The following ITPKB variants were observed in gnomAD, a reference collection of about 807,000 sequenced individuals.
ITPKB encodes the protein IP3 3-kinase B.
Under a neutral mutation model 69.4 loss-of-function variants are expected in ITPKB, and 13 were observed. The ratio of observed to expected loss-of-function variants is 0.19; its 90% confidence interval spans 0.12 to 0.30. The LOEUF is 0.30. ITPKB is among the 10% of genes least tolerant of loss of function. ITPKB has a pLI of 1.00. For missense variants in ITPKB, 1,240 were observed against 1,250.5 expected, an observed-to-expected ratio of 0.99 and a Z score of 0.13; for synonymous variants, 584 against 513.7, an observed-to-expected ratio of 1.14 and a Z score of -1.85.
chr1:226,702,517 T>C (rs1164762475), intron 2 of ITPKB, among the ~76,000 whole-genome samples: 1 of 152,182 alleles, frequency 6.6e-6, no homozygotes, highest in African/African-American at 2.4e-5. Context: ...GACCTCACTG[T>C]GGCTATCTGG....
chr1:226,710,083 CCT>C (rs1436348917), intron 2 of ITPKB, among the ~76,000 whole-genome samples: 11 of 152,136 alleles, frequency 7.2e-5, no homozygotes, highest in East Asian at 5.8e-4. Context: ...CTTCCCTGCC[CCT>C]GTCTCCTCTC....
rs145218832 is a variant in ITPKB at position 226,648,525 on chromosome 1, G to A, written c.2032+147C>T. 386 of 654,312 alleles carry A rather than the reference G, an allele frequency of 5.9e-4. 1 individual carries two copies. Among genetic ancestry groups the A allele is most frequent in the African/African-American group, 3.3e-3 (184 of 55,996 alleles). 40.5% of individuals were successfully genotyped at this position (654,312 alleles called of 1,614,324 possible). On this transcript the variant is annotated intron_variant, in intron 3 of 7. Coordinates refer to ENST00000429204, the MANE Select transcript of ITPKB (RefSeq NM_002221.4). ...GCATTTACAAGGCATTGGTAAGGCC[G>A]CAGCCTGCAAGTGTGGCTGTGATTT...
chr1:226,706,889 G>A (rs1656814698), intron 2 of ITPKB, among the ~76,000 whole-genome samples: 1 of 152,216 alleles, frequency 6.6e-6, no homozygotes, highest in African/African-American at 2.4e-5. Context: ...GCTGGATATG[G>A]CCAGCAGCCA....
Position 226,736,655 on chromosome 1 carries a change from G to C in ITPKB, c.804C>G (p.Gly268=), listed in dbSNP as rs1448687903. 13 of 1,613,338 alleles carry C rather than the reference G, an allele frequency of 8.1e-6. No homozygotes were observed. The highest frequency in any genetic ancestry group is 1.7e-5 in the Admixed American group (1 of 60,032). The change falls in exon 2 of 8, where the codon GGC becomes GGG. Residue 268 remains glycine, a synonymous_variant. Coordinates refer to ENST00000429204, the MANE Select transcript of ITPKB (RefSeq NM_002221.4). The part of the protein sequence containing the change: ...EKGIPASPRC[G]SPTAMEIDKR... Reference sequence around the variant, plus strand: ...TGTCAATTTCCATAGCTGTGGGTGAGCCACAGCGGGGACTGGCAGGGATAC... The same window carrying C: ...TGTCAATTTCCATAGCTGTGGGTGACCCACAGCGGGGACTGGCAGGGATAC...
Position 226,637,746 on chromosome 1 carries a change from G to T in ITPKB, c.2558C>A (p.Ala853Asp), listed in dbSNP as rs767344981. The change falls in exon 7 of 8, where the codon GCC (alanine) becomes GAC (aspartate). Residue 853 changes from alanine to aspartate, a missense_variant. Around this residue, in one of 2 missense-constraint regions of ITPKB, gnomAD observed 248 missense variants for 396.7 expected, o/e 0.63. Transcript: ENST00000429204. This position sits in a 1 kb window ranked among gnomAD's most constrained non-coding sequence, Gnocchi z 4.3. Reference sequence around the variant, plus strand: ...AATGGCCTTCAGCCGGTCCCGATAGGCGATCTGGGAATAGAAAGAGGACCA... The same window carrying T: ...AATGGCCTTCAGCCGGTCCCGATAGTCGATCTGGGAATAGAAAGAGGACCA... ...FTKGNHNILI[A>D]YRDRLKAIRT... The T allele has an allele frequency of 6.2e-7, 1 of 1,613,320 alleles. No homozygotes were observed. The highest frequency in any genetic ancestry group is 2.2e-5 in the East Asian group (1 of 44,882).
At position 226,738,887 on chromosome 1, in the gene ITPKB, T is replaced by G. The variant is rs919769256; in HGVS notation, c.-206+154A>C. Reference sequence around the variant, plus strand: ...ATTTTCTCCCCACCGCCACTCCATGTCACCCTCCAAAATCAAACCCCCTTC... The same window carrying G: ...ATTTTCTCCCCACCGCCACTCCATGGCACCCTCCAAAATCAAACCCCCTTC... On this transcript the variant is annotated intron_variant, in intron 1 of 7. Transcript: ENST00000429204. The surrounding 1 kb of genome is among the most constrained non-coding windows in gnomAD (Gnocchi z 4.2). Among the ~76,000 whole-genome samples the G allele has an allele frequency of 3.3e-5, 5 of 152,106 alleles. No individual in the cohort carries two copies. The highest frequency in any genetic ancestry group is 3.3e-4 in the Admixed American group (5 of 15,270).
rs1668856964 is a variant in ITPKB at position 226,637,159 on chromosome 1, C to A, written c.2625+520G>T. 6.6e-6 allele frequency among the ~76,000 whole-genome samples: 1 copy of A among 152,172 alleles called. No individual in the cohort carries two copies. The highest frequency in any genetic ancestry group is 1.5e-5 in the Non-Finnish European group (1 of 68,018). Reference sequence around the variant, plus strand: ...GTCTCACACCCCTCCAGGGAACCTGCCGACACCTCCCAGAGCCTCTCTCAG... The same window carrying A: ...GTCTCACACCCCTCCAGGGAACCTGACGACACCTCCCAGAGCCTCTCTCAG... On this transcript the variant is annotated intron_variant, in intron 7 of 7. Transcript: ENST00000429204. This position sits in a 1 kb window ranked among gnomAD's most constrained non-coding sequence, Gnocchi z 4.3.
chr1:226,642,829 C>T lies in ITPKB; in HGVS notation c.2247-704G>A, dbSNP rs1668987818. ...CTCAAGTCCCCATCTCTGCTGCTCT[C>T]AGGCAGCCTGAAGGCTGAGCCTGCC... On this transcript the variant is annotated intron_variant, in intron 4 of 7. Coordinates refer to ENST00000429204, the MANE Select transcript of ITPKB (RefSeq NM_002221.4). This position sits in a 1 kb window ranked among gnomAD's most constrained non-coding sequence, Gnocchi z 6.4. 6.6e-6 allele frequency among the ~76,000 whole-genome samples: 1 copy of T among 152,240 alleles called. No homozygotes were observed. The highest frequency in any genetic ancestry group is 2.4e-5 in the African/African-American group (1 of 41,458).
Position 226,633,438 on chromosome 1 carries a change from T to A in ITPKB, c.*1233A>T, listed in dbSNP as rs3738723. 24,967 of 152,170 alleles carry A rather than the reference T, an allele frequency of 0.16. 3,003 individuals carry two copies. The highest frequency in any genetic ancestry group is 0.33 in the African/African-American group (13,501 of 41,466). 9.4% of individuals were successfully genotyped at this position (152,170 alleles called of 1,614,324 possible). ...GGCAAATTTTACATTCCCTTCCATA[T>A]CAGACTCACTGGCTTTCAGTTAAAA... On this transcript the variant is annotated 3_prime_UTR_variant, in exon 8 of 8. Coordinates refer to ENST00000429204, the MANE Select transcript of ITPKB (RefSeq NM_002221.4).
chr1:226,720,229 C>CG, intron 2 of ITPKB, among the ~76,000 whole-genome samples: 1 of 152,354 alleles, frequency 6.6e-6, no homozygotes, highest in East Asian at 1.9e-4. Context: ...CTCTTTCCCC[C>CG]GGGGTCCAGT....
Position 226,735,999 on chromosome 1 carries a change from T to A in ITPKB, c.1460A>T (p.Asp487Val). The A allele has an allele frequency of 6.2e-7, 1 of 1,613,908 alleles. No homozygotes were observed. The highest frequency in any genetic ancestry group is 1.6e-4 in the Middle Eastern group (1 of 6,062). Residue 487 changes from aspartate to valine, a missense_variant, in exon 2 of 8, where the codon GAT becomes GTT. By Grantham distance (152) the Asp-to-Val change is radical. This residue lies in a region of ITPKB where 992 missense variants were observed against 853.8 expected (regional missense o/e 1.16). Coordinates refer to ENST00000429204, the MANE Select transcript of ITPKB (RefSeq NM_002221.4). ...AGGAGGGCACTGAGGTTCTTTCAGA[T>A]CTTTCGCAGCGTCCCAACAGGGCAA... ...EPLPCWDAAK[D>V]LKEPQCPPGD...
Position 226,735,579 on chromosome 1 carries a change from A to G in ITPKB, c.1880T>C (p.Leu627Pro). 1.9e-6 allele frequency: 3 copies of G among 1,575,690 alleles called. No individual in the cohort carries two copies. The highest frequency in any genetic ancestry group is 2.6e-6 in the Non-Finnish European group (3 of 1,161,060). Reference sequence around the variant, plus strand: ...ATGCAGGAAGGCTGAGTTGGGGTCCAGGGTGCGCTCAGGGTCACTGGAGAT... The same window carrying G: ...ATGCAGGAAGGCTGAGTTGGGGTCCGGGGTGCGCTCAGGGTCACTGGAGAT... ...EDISSDPERT[L>P]DPNSAFLHTL... Residue 627 changes from leucine (L) to proline (P), a missense_variant, in exon 2 of 8, where the codon CTG becomes CCG. Physicochemically the swap from Leu to Pro is moderately conservative, Grantham distance 98. Transcript: ENST00000429204.
At chr1:226,691,315 T>C (rs531454265) in intron 2 of ITPKB, among the ~76,000 whole-genome samples, 21 of 152,198 alleles carry the variant, frequency 1.4e-4, no homozygotes, top group African/African-American at 5.1e-4. Context: ...TCTGGGCACA[T>C]GCATATGACC....
intron 2 of ITPKB, among the ~76,000 whole-genome samples, chr1:226,708,498 A>C (rs1656865386): frequency 6.6e-6 from 1 of 152,216 alleles, no homozygotes. Flanking sequence ...AATGAGACAC[A>C]GGGGATATCT....
intron 5 of ITPKB, 25 bp from the exon 6 acceptor site, chr1:226,639,683 G>C (rs750941387): frequency 1.0e-4 from 157 of 1,517,004 alleles, no homozygotes; most frequent in Non-Finnish European, 1.4e-4. Flanking sequence ...ACCCCACCCA[G>C]GAGGGGGTCA....
chr1:226,709,732 G>A (rs533913739), intron 2 of ITPKB, among the ~76,000 whole-genome samples: 5 of 152,200 alleles, frequency 3.3e-5, no homozygotes, highest in African/African-American at 1.2e-4. Context: ...ACCTGTCCCT[G>A]TCTACAGGCC....
intron 2 of ITPKB, chr1:226,707,160 T>C: frequency 1.5e-6 from 1 of 685,926 alleles, no homozygotes; most frequent in Non-Finnish European, 1.8e-6. Context: ...ATAAAAACAT[T>C]ATTGCCAAAT....
At chr1:226,644,541 C>G (rs1269298719) in intron 4 of ITPKB, among the ~76,000 whole-genome samples, 1 of 152,190 alleles carries the variant, frequency 6.6e-6, no homozygotes, top group African/African-American at 2.4e-5. Context: ...TGTTGACTCT[C>G]CAGGACAAGT....
rs533687994 is a variant in ITPKB, at chr1:226,701,498, G to A, written c.1932+34029C>T. ...GGGCGCCTGTAATCCCAGCTACTCG[G>A]GAGGCTGAGGCAGGAGAATGGCATG... is the stretch of plus-strand genomic sequence containing the variant. On this transcript the variant is annotated intron_variant, in intron 2 of 7. Coordinates refer to ENST00000429204, the MANE Select transcript of ITPKB (RefSeq NM_002221.4). Among the ~76,000 whole-genome samples the A allele has an allele frequency of 1.3e-3, 200 of 150,966 alleles. 2 individuals carry two copies. Among genetic ancestry groups the A allele is most frequent in the African/African-American group, 4.5e-3 (187 of 41,112 alleles).
Sources: gnomAD v4.1 joint callset for allele counts (sites outside exome capture counted in the v4.1 genomes callset) on GRCh38, gnomAD v4.1.1 for gene constraint, gnomAD v4.1.1 regional missense constraint, Gnocchi (gnomAD v3.1) non-coding constraint, MANE v1.5 for transcripts, NCBI Gene and HGNC (gene_info 2026-07-23, HGNC 2026-07-21) for gene names.